Variants in ROBO1 observed in about 807,000 individuals in gnomAD.
The protein encoded by ROBO1 is roundabout guidance receptor 1, also known as roundabout homolog 1.
In ROBO1, 149 loss-of-function variants were observed where a neutral mutation model predicts 195.9. The observed-to-expected ratio is 0.76, with a 90% CI of 0.67 to 0.87. ROBO1 has a LOEUF of 0.87. Among genes scored for constraint, ROBO1 ranks in the 40% least tolerant of loss-of-function variants. The pLI, the probability that ROBO1 is intolerant of heterozygous loss-of-function variation, is 0.00. For missense variants in ROBO1, 1,933 were observed against 2,068.3 expected (o/e 0.93, Z 1.27); for synonymous variants, 816 against 733.2 (o/e 1.11, Z -1.82).
intron 2 of ROBO1, among the ~76,000 whole-genome samples, chr3:79,171,104 C>T (rs1175182754): frequency 6.7e-6 from 1 of 149,714 alleles, no homozygotes; most frequent in Non-Finnish European, 1.5e-5. Flanking sequence ...ATTTCATTCA[C>T]AATAATGAAT....
chr3:79,518,598 G>A (rs1175097678), intron 2 of ROBO1, among the ~76,000 whole-genome samples: 1 of 152,146 alleles, frequency 6.6e-6, no homozygotes, highest in East Asian at 1.9e-4. Context: ...GGGAGAAGGA[G>A]TGATAACAGA....
At chr3:79,448,229 T>C (rs1299347854) in intron 2 of ROBO1, among the ~76,000 whole-genome samples, 3 of 152,166 alleles carry the variant, frequency 2.0e-5, no homozygotes, top group Non-Finnish European at 2.9e-5. Context: ...ATTTCAAAAT[T>C]TGTGATTCTA....
At chr3:79,722,101 C>G (rs999338136) in intron 1 of ROBO1, among the ~76,000 whole-genome samples, 1 of 152,010 alleles carries the variant, frequency 6.6e-6, no homozygotes, top group Non-Finnish European at 1.5e-5. Context: ...GGAAAAGGTA[C>G]TACAGGAAAC....
chr3:79,295,832 G>A (rs1008484916), intron 2 of ROBO1, among the ~76,000 whole-genome samples: 2 of 151,998 alleles, frequency 1.3e-5, no homozygotes, highest in Non-Finnish European at 2.9e-5. Flanking sequence ...TAATGAAAGC[G>A]GAATCATTTC....
chr3:79,495,642 T>C (rs1297667983), intron 2 of ROBO1, among the ~76,000 whole-genome samples: 1 of 152,152 alleles, frequency 6.6e-6, no homozygotes, highest in Non-Finnish European at 1.5e-5. Context: ...TGTTGAGAGT[T>C]GATATTATCT....
In ROBO1 at chr3:79,450,792, T is replaced by C. The variant is rs573484219; in HGVS notation, c.88+139032A>G. On this transcript the variant is annotated intron_variant, in intron 2 of 30. Coordinates refer to ENST00000464233, the MANE Select transcript of ROBO1 (RefSeq NM_002941.4). ...ACATTCTATAATACCCTGAATTTCA[T>C]TTTTTGACAACTAAATGATAAAAAT... Among the ~76,000 whole-genome samples the C allele has an allele frequency of 2.0e-5, 3 of 152,054 alleles. No individual in the cohort carries two copies. In the East Asian group the frequency reaches 5.8e-4, roughly 29 times the overall value.
At chr3:79,518,277 A>G (rs948259231) in intron 2 of ROBO1, among the ~76,000 whole-genome samples, 5 of 152,136 alleles carry the variant, frequency 3.3e-5, no homozygotes, top group Admixed American at 6.5e-5. Context: ...AAAAAAATGC[A>G]TAGGGTAAGG....
chr3:79,279,214 C>T (rs1010877991), intron 2 of ROBO1, among the ~76,000 whole-genome samples: 4 of 151,382 alleles, frequency 2.6e-5, no homozygotes, highest in Admixed American at 6.6e-5. Context: ...TGCAGTGAGC[C>T]GAGATCACAC....
chr3:78,815,285 A>G (rs1191613176), intron 4 of ROBO1, among the ~76,000 whole-genome samples: 1 of 152,204 alleles, frequency 6.6e-6, no homozygotes, highest in African/African-American at 2.4e-5. Flanking sequence ...AAGCTGAGCT[A>G]GACCAAAATC....
At chr3:78,875,051 G>A (rs1168304108) in intron 4 of ROBO1, among the ~76,000 whole-genome samples, 2 of 151,942 alleles carry the variant, frequency 1.3e-5, no homozygotes, top group East Asian at 3.9e-4. Context: ...GTACTGCAAT[G>A]TTAAACCAAA....
intron 1 of ROBO1, among the ~76,000 whole-genome samples, chr3:79,692,435 GTAGGGTGAT>G (rs1234217987): frequency 6.6e-6 from 1 of 151,878 alleles, no homozygotes; most frequent in African/African-American, 2.4e-5. Flanking sequence ...CAAGAGGACA[GTAGGGTGAT>G]TAGTGTCTTC....
intron 2 of ROBO1, among the ~76,000 whole-genome samples, chr3:79,471,708 G>A (rs556308082): frequency 2.6e-5 from 4 of 152,066 alleles, no homozygotes; most frequent in African/African-American, 9.6e-5. Context: ...ATGATACACT[G>A]GATAAAGAAA....
At chr3:79,396,628 T>TA (rs1223543221) in intron 2 of ROBO1, among the ~76,000 whole-genome samples, 4 of 152,060 alleles carry the variant, frequency 2.6e-5, no homozygotes, top group Non-Finnish European at 5.9e-5. Context: ...TTTTATATTT[T>TA]AAATAAGAAT....
intron 2 of ROBO1, among the ~76,000 whole-genome samples, chr3:79,160,806 A>G (rs2080944073): frequency 6.6e-6 from 1 of 152,084 alleles, no homozygotes; most frequent in Non-Finnish European, 1.5e-5. Context: ...AAGAGCACTC[A>G]GTAACAACAA....
At chr3:79,669,077 C>T (rs1173155271) in intron 1 of ROBO1, among the ~76,000 whole-genome samples, 1 of 151,886 alleles carries the variant, frequency 6.6e-6, no homozygotes, top group Non-Finnish European at 1.5e-5. Flanking sequence ...ACCCAAATCT[C>T]ACCTTGTAGC....
intron 8 of ROBO1, among the ~76,000 whole-genome samples, chr3:78,705,028 TA>T (rs1365110450): frequency 6.6e-6 from 1 of 152,226 alleles, no homozygotes; most frequent in Non-Finnish European, 1.5e-5. Context: ...ACAGTATATC[TA>T]AATTTGTTTA....
chr3:79,455,370 T>C (rs2039584143), intron 2 of ROBO1, among the ~76,000 whole-genome samples: 1 of 152,118 alleles, frequency 6.6e-6, no homozygotes, highest in Non-Finnish European at 1.5e-5. Context: ...TACTTTTTTA[T>C]AGGACAAGAA....
At chr3:79,108,199 A>T (rs2079819552) in intron 3 of ROBO1, among the ~76,000 whole-genome samples, 1 of 151,746 alleles carries the variant, frequency 6.6e-6, no homozygotes, top group Admixed American at 6.6e-5. Flanking sequence ...ATACATAGAA[A>T]GTACCCCAAG....
rs773143836 is a variant in ROBO1 at position 79,240,847 on chromosome 3, TG to T, written c.89-115309del. Among the ~76,000 whole-genome samples the T allele has an allele frequency of 3.3e-5, 5 of 152,040 alleles. No homozygotes were observed. The East Asian group carries it at 9.7e-4, about 29-fold the overall frequency. On this transcript the variant is annotated intron_variant, in intron 2 of 30. Coordinates refer to ENST00000464233, the MANE Select transcript of ROBO1 (RefSeq NM_002941.4). ...TTGTAGAGATGGGATTTTCTCATGT[TG>T]TCCAGGATGTTCTCAAACTCCTGGG...
Sources: allele counts gnomAD v4.1 joint callset (sites outside exome capture counted in the v4.1 genomes callset), GRCh38; gene constraint gnomAD v4.1.1; transcripts MANE v1.5; gene names NCBI Gene and HGNC (gene_info 2026-07-23, HGNC 2026-07-21).